Variants in ROR1 observed in about 807,000 individuals in gnomAD.
The protein encoded by ROR1 is ROR family WNT receptor 1.
ROR1 carries 19 observed loss-of-function variants against 78.8 expected under a neutral mutation model. The observed-to-expected ratio is 0.24, with a 90% CI of 0.17 to 0.35. The LOEUF is 0.35. Among genes scored for constraint, ROR1 ranks in the 10% least tolerant of loss-of-function variants. The pLI is 1.00. For missense variants in ROR1, 917 were observed against 1,177.8 expected, an observed-to-expected ratio of 0.78 and a Z score of 3.24; for synonymous variants, 386 against 433.6, an observed-to-expected ratio of 0.89 and a Z score of 1.36.
chr1:64,112,553 G>A (rs530070381), intron 4 of ROR1, among the ~76,000 whole-genome samples: 19 of 152,238 alleles, frequency 1.2e-4, no homozygotes, highest in South Asian at 8.3e-4. Context: ...ACGCCCAGTG[G>A]TTTCTTCTCA....
intron 4 of ROR1, chr1:64,111,914 T>G (rs1648113438): frequency 6.6e-6 from 1 of 152,194 alleles, no homozygotes; most frequent in African/African-American, 2.4e-5. Context: ...TTACAGTGGT[T>G]TCCCCAAAGC....
intron 4 of ROR1, among the ~76,000 whole-genome samples, chr1:64,071,043 A>G (rs1034909160): frequency 3.3e-5 from 5 of 152,254 alleles, no homozygotes; most frequent in Admixed American, 3.3e-4. Flanking sequence ...AACAAAGACC[A>G]TGACATGGAA....
At chr1:64,093,256 T>C (rs1015986726) in intron 4 of ROR1, among the ~76,000 whole-genome samples, 8 of 152,228 alleles carry the variant, frequency 5.3e-5, no homozygotes, top group Non-Finnish European at 1.0e-4. Context: ...GGTTTGTTTT[T>C]CCTGCTGTCC....
chr1:64,019,160 A>C (rs1180783580), intron 2 of ROR1, among the ~76,000 whole-genome samples: 2 of 152,216 alleles, frequency 1.3e-5, no homozygotes, highest in East Asian at 3.9e-4. Flanking sequence ...TTTGAGAATC[A>C]CTGCTTTAGA....
At chr1:63,826,009 T>C (rs1644950929) in intron 1 of ROR1, among the ~76,000 whole-genome samples, 1 of 152,166 alleles carries the variant, frequency 6.6e-6, no homozygotes, top group Non-Finnish European at 1.5e-5. Flanking sequence ...AATAGAGGAT[T>C]AGAAATAGAA....
intron 4 of ROR1, among the ~76,000 whole-genome samples, chr1:64,051,423 C>A (rs1646828192): frequency 6.7e-6 from 1 of 149,888 alleles, no homozygotes; most frequent in Non-Finnish European, 1.5e-5. Context: ...GCACTCCAGC[C>A]TGGGCAGCAG....
At chr1:63,845,720 C>T (rs1362933696) in intron 1 of ROR1, among the ~76,000 whole-genome samples, 2 of 152,134 alleles carry the variant, frequency 1.3e-5, no homozygotes, top group Non-Finnish European at 2.9e-5. Context: ...TCTCTGATAC[C>T]TGCATGCATC....
chr1:64,170,560 A>G (rs573851704), intron 8 of ROR1, among the ~76,000 whole-genome samples: 1 of 152,190 alleles, frequency 6.6e-6, no homozygotes, highest in African/African-American at 2.4e-5. Context: ...CATTTTCCCC[A>G]TTATCTTGGT....
At chr1:63,869,206 A>G (rs561908639) in intron 1 of ROR1, among the ~76,000 whole-genome samples, 4 of 152,336 alleles carry the variant, frequency 2.6e-5, no homozygotes, top group African/African-American at 9.6e-5. Flanking sequence ...TTATGGCAGG[A>G]TGTCCCTAAT....
chr1:63,928,849 G>C (rs935096472), intron 1 of ROR1, among the ~76,000 whole-genome samples: 4 of 152,174 alleles, frequency 2.6e-5, no homozygotes, highest in African/African-American at 9.7e-5. Context: ...TAACCCTCTA[G>C]AGAGGCCAAG....
intron 2 of ROR1, among the ~76,000 whole-genome samples, chr1:64,017,140 C>T (rs368884034): frequency 2.6e-5 from 4 of 152,110 alleles, no homozygotes; most frequent in Admixed American, 6.5e-5. Context: ...CTTTTAGGCT[C>T]AAGCAATCTG....
intron 4 of ROR1, among the ~76,000 whole-genome samples, chr1:64,112,671 T>C (rs923554084): frequency 1.3e-5 from 2 of 152,140 alleles, no homozygotes; most frequent in Admixed American, 1.3e-4. Flanking sequence ...CTTTGTTGAC[T>C]TCTCTTCCTC....
intron 1 of ROR1, among the ~76,000 whole-genome samples, chr1:63,915,939 A>C (rs528364785): frequency 6.6e-6 from 1 of 152,242 alleles, no homozygotes; most frequent in East Asian, 1.9e-4. Flanking sequence ...ACAAGTATAC[A>C]TGTAAACTTT....
At chr1:64,077,540 A>G (rs575168711) in intron 4 of ROR1, among the ~76,000 whole-genome samples, 1 of 152,344 alleles carries the variant, frequency 6.6e-6, no homozygotes, top group Admixed American at 6.5e-5. Context: ...TGGGGCATCA[A>G]TGCCGCTTTT....
chr1:64,161,149 A>T (rs1649931582), intron 8 of ROR1, among the ~76,000 whole-genome samples: 1 of 152,360 alleles, frequency 6.6e-6, no homozygotes, highest in East Asian at 1.9e-4. Flanking sequence ...TACATCCATT[A>T]TCACACTTAA....
intron 2 of ROR1, among the ~76,000 whole-genome samples, chr1:64,034,997 A>G (rs1359176589): frequency 6.6e-6 from 1 of 152,182 alleles, no homozygotes; most frequent in African/African-American, 2.4e-5. Flanking sequence ...AGTGACTTCT[A>G]AAGTGACACC....
chr1:64,053,896 A>G (rs1036900156), intron 4 of ROR1, among the ~76,000 whole-genome samples: 8 of 152,114 alleles, frequency 5.3e-5, no homozygotes, highest in African/African-American at 1.9e-4. Context: ...TTTACAGTGT[A>G]TATTCTATTG....
chr1:63,857,675 C>A (rs1458820748), intron 1 of ROR1, among the ~76,000 whole-genome samples: 1 of 152,198 alleles, frequency 6.6e-6, no homozygotes, highest in Non-Finnish European at 1.5e-5. Context: ...CAACTGGAGA[C>A]AATTGACAGT....
intron 2 of ROR1, among the ~76,000 whole-genome samples, chr1:64,039,934 T>G (rs1646733034): frequency 6.6e-6 from 1 of 152,202 alleles, no homozygotes; most frequent in Non-Finnish European, 1.5e-5. Flanking sequence ...CTATAAAGCT[T>G]AAGCCCCGGG....
Sources: gnomAD v4.1 joint callset for allele counts (sites outside exome capture counted in the v4.1 genomes callset) on GRCh38, gnomAD v4.1.1 for gene constraint, MANE v1.5 for transcripts, NCBI Gene and HGNC (gene_info 2026-07-23, HGNC 2026-07-21) for gene names.